B3GALNT2: variants seen among roughly 807,000 people sequenced by gnomAD.
B3GALNT2 encodes beta-1,3-N-acetylgalactosaminyltransferase 2.
A neutral mutation model predicts 61.1 loss-of-function variants in B3GALNT2; 53 were observed. The ratio of observed to expected loss-of-function variants is 0.87; its 90% CI spans 0.70 to 1.09. B3GALNT2 has a LOEUF of 1.09. Ranked by LOEUF, B3GALNT2 falls within the 50% of genes least tolerant of loss-of-function variation. The pLI is 0.00. For synonymous variants in B3GALNT2, 223 were observed against 237.4 expected, an observed-to-expected ratio of 0.94 and a Z score of 0.56; for missense variants, 544 against 623.0, an observed-to-expected ratio of 0.87 and a Z score of 1.35.
At chr1:235,440,530 T>C in the B3GALNT2 span, among the ~76,000 whole-genome samples, 2 of 152,038 alleles carry the variant, frequency 1.3e-5, no homozygotes, top group Non-Finnish European at 2.9e-5. Context: ...GAAGCTGGGA[T>C]TACAGGCGTC....
downstream of B3GALNT2, chr1:235,442,815 A>C: frequency 1.3e-6 from 2 of 1,579,458 alleles, no homozygotes; most frequent in Non-Finnish European, 1.7e-6. Context: ...ATATAATAGT[A>C]GATATCAATT....
At chr1:235,501,778 A>G (rs1217457739) in intron 1 of B3GALNT2, among the ~76,000 whole-genome samples, 3 of 152,230 alleles carry the variant, frequency 2.0e-5, no homozygotes, top group African/African-American at 7.2e-5. Flanking sequence ...TACATTTAAA[A>G]ATGTTAATTC....
At chr1:235,501,154 A>G (rs779334951) in intron 1 of B3GALNT2, among the ~76,000 whole-genome samples, 4 of 152,176 alleles carry the variant, frequency 2.6e-5, no homozygotes, top group Non-Finnish European at 5.9e-5. Flanking sequence ...AATAATTCCT[A>G]CTTAAGGCAT....
Position 235,455,579 on chromosome 1 carries a change from C to T in B3GALNT2, c.1131G>A (p.Gly377=), listed in dbSNP as rs764449350. ...FNRIVQKNLD[G]PNFWWGNFRL... is the part of the protein sequence containing the mutation. ...CTTACTTTCCCCACCAAAAATTAGG[C>T]CCATCCAGATTCTTTTGGACAATCC... Residue 377 remains glycine (G), a synonymous_variant, in exon 9 of 12, where the codon GGG becomes GGA. Coordinates refer to ENST00000366600, the MANE Select transcript of B3GALNT2 (RefSeq NM_152490.5). 1 of 1,612,840 alleles carries T rather than the reference C, an allele frequency of 6.2e-7. No homozygotes were observed. Among genetic ancestry groups the T allele is most frequent in the African/African-American group, 1.3e-5 (1 of 74,982 alleles).
chr1:235,460,567 T>G (rs1161693222), intron 7 of B3GALNT2, among the ~76,000 whole-genome samples: 7 of 151,868 alleles, frequency 4.6e-5, no homozygotes, highest in African/African-American at 1.7e-4. Context: ...GTATTTATGA[T>G]TATTTCCTTT....
intron 9 of B3GALNT2, among the ~76,000 whole-genome samples, chr1:235,455,124 AT>A (rs1368052042): frequency 6.8e-6 from 1 of 147,874 alleles, no homozygotes; most frequent in African/African-American, 2.6e-5. Context: ...GTAATATAAA[AT>A]TTATTATTAT....
chr1:235,481,338 A>C (rs1172700131), intron 4 of B3GALNT2, among the ~76,000 whole-genome samples: 2 of 152,136 alleles, frequency 1.3e-5, no homozygotes, highest in Admixed American at 1.3e-4. Context: ...TAACTCGCAC[A>C]CTATAAATAG....
the B3GALNT2 span, among the ~76,000 whole-genome samples, chr1:235,440,233 G>A: frequency 6.6e-6 from 1 of 152,306 alleles, no homozygotes; most frequent in South Asian, 2.1e-4. Context: ...GCCTCCCAGA[G>A]TGCTGGGATT....
intron 9 of B3GALNT2, among the ~76,000 whole-genome samples, chr1:235,454,730 G>A (rs1683085674): frequency 6.6e-6 from 1 of 152,096 alleles, no homozygotes; most frequent in Admixed American, 6.6e-5. Context: ...GTGAGCCACT[G>A]CCCTTCCAGA....
At position 235,449,178 on chromosome 1, in the gene B3GALNT2, A is replaced by C. The variant is rs1572471887; in HGVS notation, c.*1028T>G. On this transcript the variant is annotated 3_prime_UTR_variant, in exon 12 of 12. Transcript: ENST00000366600. ...ATGATTTGGTTGGTCATTTTGGGAA[A>C]TGTCCCTTAAACTTGGGGAGACATC... 7 of 249,438 alleles carry C rather than the reference A, an allele frequency of 2.8e-5. No homozygotes were observed. The highest frequency in any genetic ancestry group is 2.4e-4 in the South Asian group (5 of 20,738). The allele number at this position is 249,438 out of a possible 1,614,324, so 15.5% of individuals were successfully genotyped here.
At chr1:235,460,366 A>G (rs1356912043) in intron 7 of B3GALNT2, among the ~76,000 whole-genome samples, 1 of 149,412 alleles carries the variant, frequency 6.7e-6, no homozygotes, top group Admixed American at 6.7e-5. Context: ...CTGGTCTCGA[A>G]CTCCTAACCT....
intron 5 of B3GALNT2, among the ~76,000 whole-genome samples, chr1:235,475,880 G>A (rs895491030): frequency 6.6e-6 from 1 of 151,950 alleles, no homozygotes; most frequent in Non-Finnish European, 1.5e-5. Flanking sequence ...TAGGGACTGG[G>A]TTTCATCAAG....
rs113174189 is a variant in B3GALNT2, at chr1:235,448,271, G to C, written c.*1935C>G. 1 of 935,358 alleles carries C rather than the reference G, an allele frequency of 1.1e-6. No homozygotes were observed. Among genetic ancestry groups the C allele is most frequent in the Non-Finnish European group, 1.7e-6 (1 of 571,620 alleles). 57.9% of individuals were successfully genotyped at this position (935,358 alleles called of 1,614,324 possible). A position where few individuals can be genotyped will look rare whatever the true frequency, so the allele number is the denominator to read the frequency against. ...ATACAGCTATCATTGCAATGATACTGTGGTCTCATCACATGAGCTAGTTTT... is the reference window on the plus strand; with the variant it reads ...ATACAGCTATCATTGCAATGATACTCTGGTCTCATCACATGAGCTAGTTTT... On this transcript the variant is annotated 3_prime_UTR_variant, in exon 12 of 12. Coordinates refer to ENST00000366600, the MANE Select transcript of B3GALNT2 (RefSeq NM_152490.5).
Position 235,500,961 on chromosome 1 carries a change from T to G in B3GALNT2, c.112+3180A>C, listed in dbSNP as rs188767243. On this transcript the variant is annotated intron_variant, in intron 1 of 11. Transcript: ENST00000366600. The stretch of plus-strand genomic sequence containing the variant: ...ATTTGTTTTCTGACCTTCTACTTGC[T>G]CTACATCTGTTTCCATTAGATACTG... Among the ~76,000 whole-genome samples the G allele has an allele frequency of 3.2e-3, 494 of 152,338 alleles. 2 individuals are homozygous for G. The highest frequency in any genetic ancestry group is 0.012 in the African/African-American group (484 of 41,576).
chr1:235,477,024 CA>C (rs113918092), intron 5 of B3GALNT2, among the ~76,000 whole-genome samples: 6,495 of 110,442 alleles, frequency 0.059, 169 homozygotes, highest in Middle Eastern at 0.14. Flanking sequence ...GAGCCTGTCT[CA>C]AAAAAAAAAA....
chr1:235,458,452 A>G, intron 8 of B3GALNT2, 151 bp downstream of exon 8: 2 of 928,516 alleles, frequency 2.2e-6, no homozygotes, highest in Non-Finnish European at 3.0e-6. Flanking sequence ...CAGGAGGCTA[A>G]GGCAGGAGGT....
chr1:235,455,431 A>ATG, intron 9 of B3GALNT2, 128 bp downstream of exon 9: 1 of 1,022,404 alleles, frequency 9.8e-7, no homozygotes, highest in Non-Finnish European at 1.4e-6. Flanking sequence ...AAATATATAT[A>ATG]AACCCAGGAG....
At chr1:235,485,637 A>G (rs1349430883) in intron 3 of B3GALNT2, among the ~76,000 whole-genome samples, 2 of 152,378 alleles carry the variant, frequency 1.3e-5, no homozygotes, top group African/African-American at 4.8e-5. Flanking sequence ...ATCAGAATAC[A>G]TTAAATAAAG....
At chr1:235,484,640 C>T (rs1384897630) in intron 3 of B3GALNT2, 125 bp from the exon 4 acceptor site, 8 of 1,382,500 alleles carry the variant, frequency 5.8e-6, no homozygotes, top group Non-Finnish European at 6.6e-6. Context: ...TCACAAATGG[C>T]AGGAATTTTT....
Sources: gnomAD v4.1 joint callset for allele counts (sites outside exome capture counted in the v4.1 genomes callset) on GRCh38, gnomAD v4.1.1 for gene constraint, MANE v1.5 for transcripts, NCBI Gene and HGNC (gene_info 2026-07-23, HGNC 2026-07-21) for gene names.